The following PIGK variants were observed in gnomAD, a reference collection of about 807,000 sequenced individuals.
The protein encoded by PIGK is GPI-anchor transamidase.
Under a neutral mutation model 50.6 loss-of-function variants are expected in PIGK, and 42 were observed. The observed-to-expected ratio is 0.83, with a 90% CI of 0.65 to 1.07. The LOEUF (loss-of-function observed/expected upper bound fraction) is 1.07, where lower values mean the gene tolerates loss of function less well. Ranked by LOEUF, PIGK falls within the 50% of genes least tolerant of loss-of-function variation. The pLI is 0.00. For synonymous variants in PIGK, 151 were observed against 156.0 expected (o/e 0.97, Z 0.24); for missense variants, 448 against 488.7 (o/e 0.92, Z 0.78).
intron 10 of PIGK, among the ~76,000 whole-genome samples, chr1:77,117,795 T>G (rs909000740): frequency 6.6e-6 from 1 of 152,220 alleles, no homozygotes; most frequent in Non-Finnish European, 1.5e-5. Context: ...ATGTCTTTGT[T>G]TTCATTTTAG....
intron 3 of PIGK, among the ~76,000 whole-genome samples, chr1:77,177,368 G>C (rs1394295740): frequency 6.6e-6 from 1 of 152,202 alleles, no homozygotes; most frequent in Non-Finnish European, 1.5e-5. Flanking sequence ...TAAGGGCAAG[G>C]AACACCAGGC....
intron 3 of PIGK, among the ~76,000 whole-genome samples, chr1:77,171,388 C>T (rs1216824218): frequency 7.9e-6 from 1 of 126,266 alleles, no homozygotes; most frequent in Non-Finnish European, 1.6e-5. Context: ...AGTGAGCCGA[C>T]ATCGCGTCAC....
In PIGK at chr1:77,161,860, C is replaced by T; in HGVS notation, c.585-149G>A. 4.8e-6 allele frequency: 3 copies of T among 620,064 alleles called. No homozygotes were observed. The South Asian group carries it at 6.1e-5, about 13-fold the overall frequency. The allele number at this position is 620,064 out of a possible 1,614,324, so 38.4% of individuals were successfully genotyped here. A position where few individuals can be genotyped will look rare whatever the true frequency, so the allele number is the denominator to read the frequency against. ...AGCAGAATTCCCAACAGAAATTTGA[C>T]CTCAGAAAAGTTAAAGGTATAAATT... On this transcript the variant is annotated intron_variant, in intron 6 of 10. Coordinates refer to ENST00000370812, the MANE Select transcript of PIGK (RefSeq NM_005482.3).
intron 10 of PIGK, among the ~76,000 whole-genome samples, chr1:77,120,768 A>T (rs1654079154): frequency 6.6e-6 from 1 of 152,240 alleles, no homozygotes; most frequent in Non-Finnish European, 1.5e-5. Context: ...CCTATTGTGT[A>T]AAATTTCTTA....
chr1:77,129,683 T>C (rs761749037), intron 9 of PIGK: 6 of 1,088,390 alleles, frequency 5.5e-6, no homozygotes, highest in Non-Finnish European at 7.9e-6. Flanking sequence ...AGCATTAAAA[T>C]AAATGTAATT....
At chr1:77,193,108 T>C (rs1238652993) in intron 3 of PIGK, among the ~76,000 whole-genome samples, 1 of 152,220 alleles carries the variant, frequency 6.6e-6, no homozygotes, top group Non-Finnish European at 1.5e-5. Context: ...TAAAACTCTG[T>C]GAAATATCTT....
intron 9 of PIGK, among the ~76,000 whole-genome samples, chr1:77,138,945 T>C (rs1212283879): frequency 1.3e-5 from 2 of 152,150 alleles, no homozygotes; most frequent in South Asian, 2.1e-4. Context: ...AAGCCTCTTT[T>C]ACCCCCATAT....
chr1:77,098,244 GA>G (rs991551901), intron 10 of PIGK, among the ~76,000 whole-genome samples: 2 of 149,696 alleles, frequency 1.3e-5, no homozygotes, highest in Non-Finnish European at 3.0e-5. Flanking sequence ...AATAGAAGAA[GA>G]AAAAAAAGAG....
chr1:77,136,515 C>A (rs1025487385), intron 9 of PIGK, among the ~76,000 whole-genome samples: 1 of 119,246 alleles, frequency 8.4e-6, no homozygotes, highest in Non-Finnish European at 1.6e-5. Context: ...GGCGACTGGG[C>A]GACAGAGCGA....
At position 77,186,724 on chromosome 1, in the gene PIGK, G is replaced by A. The variant is rs1480407640; in HGVS notation, c.240-17329C>T. 2.0e-5 allele frequency among the ~76,000 whole-genome samples: 3 copies of A among 152,118 alleles called. No homozygotes were observed. In the East Asian group the frequency reaches 5.8e-4, roughly 29 times the overall value. The stretch of plus-strand genomic sequence containing the variant: ...GCCCATGAACAAAGTGGCTATGGTG[G>A]CAGGGATGGAGGTTACACAGGAGTT... On this transcript the variant is annotated intron_variant, in intron 3 of 10. Coordinates refer to ENST00000370812, the MANE Select transcript of PIGK (RefSeq NM_005482.3).
intron 1 of PIGK, among the ~76,000 whole-genome samples, chr1:77,217,636 GA>G (rs1467400928): frequency 1.3e-5 from 2 of 150,628 alleles, no homozygotes; most frequent in Non-Finnish European, 3.0e-5. Context: ...AGATTGAAAG[GA>G]AAAAACAACG....
chr1:77,121,781 G>T (rs948213265), intron 10 of PIGK, among the ~76,000 whole-genome samples: 1 of 152,144 alleles, frequency 6.6e-6, no homozygotes, highest in Admixed American at 6.5e-5. Context: ...ATGTAGAACG[G>T]ATGATAAAAT....
chr1:77,151,420 C>G (rs1351972557), intron 9 of PIGK, among the ~76,000 whole-genome samples: 1 of 152,154 alleles, frequency 6.6e-6, no homozygotes, highest in African/African-American at 2.4e-5. Context: ...GAAAGACTTT[C>G]CACTAAGATC....
At chr1:77,171,671 T>C (rs978433187) in intron 3 of PIGK, among the ~76,000 whole-genome samples, 6 of 152,068 alleles carry the variant, frequency 3.9e-5, no homozygotes, top group Admixed American at 6.5e-5. Flanking sequence ...CAATATATTA[T>C]AAAACACTGT....
chr1:77,141,840 G>T (rs928911419), intron 9 of PIGK, among the ~76,000 whole-genome samples: 2 of 151,912 alleles, frequency 1.3e-5, no homozygotes, highest in Non-Finnish European at 2.9e-5. Flanking sequence ...ATTAAATTTT[G>T]ATTTTTTTGA....
chr1:77,161,643 G>A lies in PIGK; in HGVS notation c.653C>T (p.Pro218Leu), dbSNP rs752804076. 1 of 1,588,404 alleles carries A rather than the reference G, an allele frequency of 6.3e-7. No individual in the cohort carries two copies. Among genetic ancestry groups the A allele is most frequent in the Admixed American group, 1.7e-5 (1 of 59,958 alleles). Residue 218 changes from proline to leucine, a missense_variant, in exon 7 of 11, where the codon CCT becomes CTT. Physicochemically the swap from Pro to Leu is moderately conservative, Grantham distance 98. Coordinates refer to ENST00000370812, the MANE Select transcript of PIGK (RefSeq NM_005482.3). ...GASMYERFYS[P>L]NIMALASSQV... The stretch of plus-strand genomic sequence containing the variant: ...ACTACTAGCTAGAGCCATTATGTTA[G>A]GAGAATAAAATCGTTCATACATGGA...
In PIGK at chr1:77,179,272, T is replaced by G. The variant is rs116051266; in HGVS notation, c.240-9877A>C. ...TGATAGTGACAGTGACATTAATGAT[T>G]AAAGTTTTGGTCAATCTCTCAAAAT... On this transcript the variant is annotated intron_variant, in intron 3 of 10. Coordinates refer to ENST00000370812, the MANE Select transcript of PIGK (RefSeq NM_005482.3). 2.5e-3 allele frequency among the ~76,000 whole-genome samples: 383 copies of G among 152,232 alleles called. 1 individual carries two copies. The highest frequency in any genetic ancestry group is 4.3e-3 in the Non-Finnish European group (293 of 67,996).
intron 3 of PIGK, among the ~76,000 whole-genome samples, chr1:77,194,493 G>A (rs1222406812): frequency 6.6e-6 from 1 of 152,098 alleles, no homozygotes; most frequent in Non-Finnish European, 1.5e-5. Flanking sequence ...GCAGCAACAT[G>A]GATGAAACTA....
At chr1:77,128,813 T>C (rs958328116) in intron 9 of PIGK, among the ~76,000 whole-genome samples, 3 of 152,218 alleles carry the variant, frequency 2.0e-5, no homozygotes, top group Non-Finnish European at 4.4e-5. Flanking sequence ...AATTATACAG[T>C]GTAATTCAGC....
Sources: allele counts gnomAD v4.1 joint callset (sites outside exome capture counted in the v4.1 genomes callset), GRCh38; gene constraint gnomAD v4.1.1; transcripts MANE v1.5; gene names NCBI Gene and HGNC (gene_info 2026-07-23, HGNC 2026-07-21).